Variants in TECPR2 observed in about 807,000 individuals in gnomAD.
The protein encoded by TECPR2 is tectonin beta-propeller repeat-containing protein 2.
Under a neutral mutation model 138.1 loss-of-function variants are expected in TECPR2, and 65 were observed. That is an observed-to-expected ratio of 0.47 (90% confidence interval 0.39 to 0.58). TECPR2 has a LOEUF of 0.58. TECPR2 is among the 20% of genes least tolerant of loss of function. The pLI is 0.00. For missense variants in TECPR2, 1,553 were observed against 1,824.5 expected (o/e 0.85, Z 2.71); for synonymous variants, 746 against 749.8 (o/e 0.99, Z 0.08).
chr14:102,427,989 AGCAGGGACGAGG>A (rs1353889902), intron 6 of TECPR2, among the ~76,000 whole-genome samples: 10 of 152,354 alleles, frequency 6.6e-5, no homozygotes, highest in Admixed American at 1.3e-4. Context: ...GTGCACCTGC[AGCAGGGACGAGG>A]GCAGGGTGGT....
Position 102,438,205 on chromosome 14 carries a change from GGT to G in TECPR2, c.2578+1_2578+2del. The G allele has an allele frequency of 1.2e-6, 2 of 1,602,480 alleles. No individual in the cohort carries two copies. The highest frequency in any genetic ancestry group is 1.7e-6 in the Non-Finnish European group (2 of 1,178,038). On this transcript the variant is annotated splice_donor_variant, in intron 10 of 19. Coordinates refer to ENST00000359520, the MANE Select transcript of TECPR2 (RefSeq NM_014844.5). LOFTEE classifies it high-confidence loss of function. ...CCAGCAGGTGGCAGTCTCGCCCTCA[GGT>G]TCGCCTCCCCGCTCCCTGCTCCCGC...
intron 4 of TECPR2, among the ~76,000 whole-genome samples, chr14:102,410,831 G>A (rs1009757258): frequency 7.9e-5 from 12 of 151,506 alleles, no homozygotes; most frequent in East Asian, 5.8e-4. Context: ...CCAAGCCATC[G>A]CAGCTGATAT....
rs1257441190 is a variant in TECPR2, at chr14:102,500,456, G to T, written c.*2199G>T. On this transcript the variant is annotated 3_prime_UTR_variant, in exon 20 of 20. Coordinates refer to ENST00000359520, the MANE Select transcript of TECPR2 (RefSeq NM_014844.5). ...TCCTCATGGAGCTGTGTGTGAGCAG[G>T]CGTTGGAGGGGTTCGAGCCCCTGGT... The T allele has an allele frequency of 2.0e-5, 3 of 152,316 alleles. No individual in the cohort carries two copies. Among genetic ancestry groups the T allele is most frequent in the Non-Finnish European group, 4.4e-5 (3 of 68,118 alleles). The allele number at this position is 152,316 out of a possible 1,614,324, so 9.4% of individuals were successfully genotyped here.
chr14:102,372,416 C>A (rs1411904090), intron 1 of TECPR2, among the ~76,000 whole-genome samples: 1 of 152,138 alleles, frequency 6.6e-6, no homozygotes, highest in South Asian at 2.1e-4. Flanking sequence ...CAGGCATGCG[C>A]CACCACGCCC....
At chr14:102,408,236 C>T (rs1888717164) in intron 3 of TECPR2, among the ~76,000 whole-genome samples, 2 of 151,176 alleles carry the variant, frequency 1.3e-5, no homozygotes, top group Admixed American at 1.3e-4. Context: ...CATTTTTGTG[C>T]TGGGTTGGAC....
chr14:102,396,844 G>A (rs958264546), intron 2 of TECPR2, among the ~76,000 whole-genome samples: 2 of 152,186 alleles, frequency 1.3e-5, no homozygotes, highest in African/African-American at 4.8e-5. Flanking sequence ...AATATTTGGG[G>A]TCTGTGCTCT....
rs565236204 is a variant in TECPR2 at position 102,428,222 on chromosome 14, GTTTTTTTTT to G, written c.952-14_952-6del. 30 of 1,058,586 alleles carry G rather than the reference GTTTTTTTTT, an allele frequency of 2.8e-5. 1 individual carries two copies. The Admixed American group carries it at 7.1e-4, about 25-fold the overall frequency. 65.6% of individuals were successfully genotyped at this position (1,058,586 alleles called of 1,614,324 possible). On this transcript the variant is annotated intron_variant, in intron 6 of 19. Coordinates refer to ENST00000359520, the MANE Select transcript of TECPR2 (RefSeq NM_014844.5). ...ACCGTTGTTTAGTTTTGTGTTTTTT[GTTTTTTTTT>G]TTTTTTTTTTTTTGACAGGCCACAG...
At chr14:102,468,784 A>G (rs1890604826) in intron 17 of TECPR2, among the ~76,000 whole-genome samples, 1 of 152,222 alleles carries the variant, frequency 6.6e-6, no homozygotes, top group African/African-American at 2.4e-5. Context: ...TGATTTTTGA[A>G]TATGGTATGA....
At position 102,431,985 on chromosome 14, in the gene TECPR2, C is replaced by T. The variant is rs776370013; in HGVS notation, c.1274C>T (p.Pro425Leu). ...STDSGSGLLP[P>L]GLQATPELGK... Reference sequence around the variant, plus strand: ...GACAGCGGCTCCGGGCTCCTGCCCCCTGGGCTCCAGGCCACCCCTGAGCTG... The same window carrying T: ...GACAGCGGCTCCGGGCTCCTGCCCCTTGGGCTCCAGGCCACCCCTGAGCTG... The change falls in exon 8 of 20, where the codon CCT becomes CTT. Residue 425 changes from proline to leucine, a missense_variant. Physicochemically the swap from Pro to Leu is moderately conservative, Grantham distance 98. Coordinates refer to ENST00000359520, the MANE Select transcript of TECPR2 (RefSeq NM_014844.5). 3 of 1,612,906 alleles carry T rather than the reference C, an allele frequency of 1.9e-6. No homozygotes were observed. The highest frequency in any genetic ancestry group is 2.7e-5 in the African/African-American group (2 of 75,062).
chr14:102,375,354 A>G (rs1034613015), intron 1 of TECPR2, among the ~76,000 whole-genome samples: 1 of 151,976 alleles, frequency 6.6e-6, no homozygotes, highest in African/African-American at 2.4e-5. Context: ...TCAAAAAAAA[A>G]GAAGAAAGGG....
rs11629309 is a variant in TECPR2 at position 102,478,451 on chromosome 14, C to A, written c.3789+13162C>A. On this transcript the variant is annotated intron_variant, in intron 17 of 19. Coordinates refer to ENST00000359520, the MANE Select transcript of TECPR2 (RefSeq NM_014844.5). Reference sequence around the variant, plus strand: ...ATCCCAGCACTTTGGGAGGTCGAGGCGGGTAGATTGCTTGAGCTCAGGAGT... The same window carrying A: ...ATCCCAGCACTTTGGGAGGTCGAGGAGGGTAGATTGCTTGAGCTCAGGAGT... Among the ~76,000 whole-genome samples, 914 of 151,610 alleles carry A rather than the reference C, an allele frequency of 6.0e-3. 10 individuals are homozygous for A. Among genetic ancestry groups the A allele is most frequent in the Non-Finnish European group, 9.0e-3 (614 of 67,876 alleles).
intron 2 of TECPR2, among the ~76,000 whole-genome samples, chr14:102,381,745 A>T (rs1384861370): frequency 6.6e-6 from 1 of 152,234 alleles, no homozygotes; most frequent in Non-Finnish European, 1.5e-5. Context: ...TTTAGACAGA[A>T]GGGAACTTTG....
At chr14:102,456,078 G>A (rs1890270609) in intron 16 of TECPR2, among the ~76,000 whole-genome samples, 1 of 152,158 alleles carries the variant, frequency 6.6e-6, no homozygotes. Context: ...TTTCTAATGG[G>A]AGCAGCAACC....
intron 2 of TECPR2, among the ~76,000 whole-genome samples, chr14:102,405,542 G>A (rs1457181645): frequency 6.6e-6 from 1 of 152,182 alleles, no homozygotes; most frequent in Non-Finnish European, 1.5e-5. Flanking sequence ...GTAAGGATGT[G>A]AGAAATGGGA....
At chr14:102,439,589 T>G (rs1164700267) in intron 10 of TECPR2, among the ~76,000 whole-genome samples, 1 of 152,242 alleles carries the variant, frequency 6.6e-6, no homozygotes, top group African/African-American at 2.4e-5. Context: ...ACTATATTAG[T>G]TACTTGTATT....
chr14:102,495,005 G>A (rs1454498159), intron 17 of TECPR2, among the ~76,000 whole-genome samples: 8 of 152,034 alleles, frequency 5.3e-5, no homozygotes, highest in Non-Finnish European at 1.2e-4. Context: ...TTGAACCCAC[G>A]AGTTCAAGAC....
Position 102,443,739 on chromosome 14 carries a change from G to T in TECPR2, c.2845G>T (p.Ala949Ser). The T allele has an allele frequency of 6.2e-7, 1 of 1,612,984 alleles. No individual in the cohort carries two copies. Among genetic ancestry groups the T allele is most frequent in the Non-Finnish European group, 8.5e-7 (1 of 1,179,138 alleles). The change falls in exon 12 of 20, where the codon GCG (alanine) becomes TCG (serine). Residue 949 changes from alanine (A) to serine (S), a missense_variant. Coordinates refer to ENST00000359520, the MANE Select transcript of TECPR2 (RefSeq NM_014844.5). The surrounding 1 kb of genome is among the most constrained non-coding windows in gnomAD (Gnocchi z 4.9). ...CACAGCCCGGAACAATGTGGTGTGG[G>T]CGCTGACAGAGCAGAGGGCCCTCCT... ...QITARNNVVW[A>S]LTEQRALLYR...
intron 2 of TECPR2, among the ~76,000 whole-genome samples, chr14:102,401,527 C>T (rs1406547001): frequency 1.3e-5 from 2 of 151,326 alleles, no homozygotes; most frequent in African/African-American, 4.8e-5. Flanking sequence ...AGCCTGTAAT[C>T]CCAGCAGTTT....
intron 2 of TECPR2, among the ~76,000 whole-genome samples, chr14:102,389,429 GT>G (rs796395006): frequency 6.6e-6 from 1 of 152,214 alleles, no homozygotes; most frequent in South Asian, 2.1e-4. Context: ...AATGGGAGAA[GT>G]TGCTATTAGG....
Sources: gnomAD v4.1 joint callset for allele counts (sites outside exome capture counted in the v4.1 genomes callset) on GRCh38, gnomAD v4.1.1 for gene constraint, Gnocchi (gnomAD v3.1) non-coding constraint, MANE v1.5 for transcripts, NCBI Gene and HGNC (gene_info 2026-07-23, HGNC 2026-07-21) for gene names.